The following TMEM35B variants were observed in gnomAD, a reference collection of about 807,000 sequenced individuals.
The protein encoded by TMEM35B is transmembrane protein 35B.
In TMEM35B, 6 loss-of-function variants were observed where a neutral mutation model predicts 8.7. The observed-to-expected ratio is 0.69, with a 90% CI of 0.38 to 1.36. The LOEUF (loss-of-function observed/expected upper bound fraction) is 1.36, where lower values mean the gene tolerates loss of function less well. Among genes scored for constraint, TMEM35B ranks in the 40% most tolerant of loss-of-function variants. TMEM35B has a pLI of 0.02. For missense variants in TMEM35B, 176 were observed against 181.6 expected (o/e 0.97, Z 0.18); for synonymous variants, 89 against 87.0 (o/e 1.02, Z -0.13).
At chr1:34,981,861 T>C in exon 3 of TMEM35B, 2 of 1,358,594 alleles carry the variant, frequency 1.5e-6, no homozygotes, top group Non-Finnish European at 1.9e-6. Flanking sequence ...CCCTGGATAT[T>C]ATACTGGTAA....
exon 2 of TMEM35B, chr1:34,983,813 C>G (rs1471952256): frequency 7.8e-6 from 12 of 1,543,686 alleles, no homozygotes; most frequent in Non-Finnish European, 1.0e-5. Flanking sequence ...CTTGCAGCAT[C>G]GGTGGGCCCA....
At chr1:34,983,672 A>G (rs953207183) in intron 2 of TMEM35B, 95 bp downstream of exon 2, 2 of 1,116,174 alleles carry the variant, frequency 1.8e-6, no homozygotes, top group Non-Finnish European at 2.4e-6. Flanking sequence ...TCCCAGAGAA[A>G]AAAGAAGGGT....
At chr1:34,983,717 T>C in intron 2 of TMEM35B, 50 bp downstream of exon 2, 1 of 1,392,780 alleles carries the variant, frequency 7.2e-7, no homozygotes, top group Non-Finnish European at 9.4e-7. Context: ...GGTCTTTCCA[T>C]AATCCTCCCC....
At chr1:34,985,103 C>T in intron 1 of TMEM35B, 95 bp downstream of exon 1, 2 of 994,814 alleles carry the variant, frequency 2.0e-6, no homozygotes, top group Non-Finnish European at 2.7e-6. Flanking sequence ...CCTCGGAAGC[C>T]CGAAGGCGGC....
chr1:34,982,911 G>C (rs751297067), intron 2 of TMEM35B, among the ~76,000 whole-genome samples: 1 of 152,206 alleles, frequency 6.6e-6, no homozygotes, highest in Non-Finnish European at 1.5e-5. Flanking sequence ...TGGTAGCAGT[G>C]GCAGCAATGG....
At chr1:34,982,547 TG>T (rs1640518957) in intron 2 of TMEM35B, among the ~76,000 whole-genome samples, 2 of 151,004 alleles carry the variant, frequency 1.3e-5, no homozygotes, top group Non-Finnish European at 2.9e-5. Flanking sequence ...TCTGAGTAGC[TG>T]GGCTACTGGG....
chr1:34,982,764 C>G (rs752153639), intron 2 of TMEM35B, among the ~76,000 whole-genome samples: 1 of 152,018 alleles, frequency 6.6e-6, no homozygotes, highest in Admixed American at 6.6e-5. Flanking sequence ...CATGAGCCAC[C>G]GTGTCTGGCC....
intron 2 of TMEM35B, 73 bp from the exon 3 acceptor site, chr1:34,982,192 T>C (rs1640514258): frequency 7.1e-7 from 1 of 1,402,860 alleles, no homozygotes; most frequent in East Asian, 2.5e-5. Context: ...GGCTCTCTAG[T>C]TTAGGCTGAC....
At chr1:34,984,607 T>C (rs1640544086) in intron 1 of TMEM35B, among the ~76,000 whole-genome samples, 1 of 152,114 alleles carries the variant, frequency 6.6e-6, no homozygotes, top group Admixed American at 6.6e-5. Context: ...ATATGAAAGC[T>C]TTCCCATGAG....
chr1:34,984,501 T>C (rs1640542881), intron 1 of TMEM35B, among the ~76,000 whole-genome samples: 1 of 152,192 alleles, frequency 6.6e-6, no homozygotes, highest in South Asian at 2.1e-4. Context: ...CTCTAAGCTG[T>C]CTGTCTCTGG....
intron 2 of TMEM35B, among the ~76,000 whole-genome samples, chr1:34,982,509 G>C (rs984009640): frequency 2.3e-4 from 34 of 148,150 alleles, no homozygotes; most frequent in African/African-American, 8.3e-4. Context: ...CCAGGCTGGA[G>C]TGCAATGGCG....
intron 2 of TMEM35B, 115 bp from the exon 3 acceptor site, chr1:34,982,234 C>T (rs1463040090): frequency 6.1e-5 from 49 of 803,614 alleles, no homozygotes; most frequent in South Asian, 2.4e-4. Flanking sequence ...CATTAAACAC[C>T]CCCACCACTC....
At chr1:34,985,116 GC>G in intron 1 of TMEM35B, 81 bp downstream of exon 1, 1 of 1,144,662 alleles carries the variant, frequency 8.7e-7, no homozygotes, top group Non-Finnish European at 1.2e-6. Context: ...AAGGCGGCCT[GC>G]CGGGCCGGGG....
chr1:34,984,351 G>C (rs1043975154), intron 1 of TMEM35B, among the ~76,000 whole-genome samples: 2 of 152,210 alleles, frequency 1.3e-5, no homozygotes, highest in African/African-American at 4.8e-5. Flanking sequence ...GGCAGAGTTA[G>C]GTGGGCTCAA....
chr1:34,982,698 A>G (rs1005205296), intron 2 of TMEM35B, among the ~76,000 whole-genome samples: 3 of 152,038 alleles, frequency 2.0e-5, no homozygotes, highest in African/African-American at 7.2e-5. Context: ...GCTGGTCTTG[A>G]ACTCCTGACC....
At position 34,981,890 on chromosome 1, in the gene TMEM35B, GTTC is replaced by G. The variant is rs1557546857; in HGVS notation, c.*51_*53del. 40 of 1,443,366 alleles carry G rather than the reference GTTC, an allele frequency of 2.8e-5. 1 individual carries two copies. In the African/African-American group the frequency reaches 4.4e-4, roughly 16 times the overall value. The allele number at this position is 1,443,366 out of a possible 1,614,324, so 89.4% of individuals were successfully genotyped here. ...CTGGTAACAAGATGATAGACTCTGT[GTTC>G]TACCATGTTCCTGCTGTGACAGCTG... On this transcript the variant is annotated 3_prime_UTR_variant, in exon 3 of 3. Transcript: ENST00000373337.
chr1:34,982,108 T>G (rs1333315655), exon 3 of TMEM35B: 5 of 1,545,322 alleles, frequency 3.2e-6, no homozygotes, highest in Non-Finnish European at 4.4e-6. Flanking sequence ...GCTGCCAAGG[T>G]GAAGATAGCC....
chr1:34,981,713 C>T (rs1031617111), exon 3 of TMEM35B: 6 of 272,106 alleles, frequency 2.2e-5, no homozygotes, highest in Non-Finnish European at 3.9e-5. Context: ...ATTTAAATTT[C>T]TTTTCTGCTT....
In TMEM35B at chr1:34,985,208, G is replaced by GA. The variant is rs1640555123; in HGVS notation, c.97dup (p.Ser33PhefsTer13). 21 of 1,537,106 alleles carry GA rather than the reference G, an allele frequency of 1.4e-5. No homozygotes were observed. The highest frequency in any genetic ancestry group is 1.8e-5 in the Non-Finnish European group (21 of 1,141,948). On this transcript the variant is annotated frameshift_variant, in exon 1 of 3. Transcript: ENST00000373337. LOFTEE classifies it high-confidence loss of function. ...GCCCGCGCCGCTCACCATCCGCTCC[G>GA]AAACTGGAGCCGAGATCTCCTCCGA...
Sources: gnomAD v4.1 joint callset for allele counts (sites outside exome capture counted in the v4.1 genomes callset) on GRCh38, gnomAD v4.1.1 for gene constraint, MANE v1.5 for transcripts, NCBI Gene and HGNC (gene_info 2026-07-23, HGNC 2026-07-21) for gene names.